PHLPP1: variants seen among roughly 807,000 people sequenced by gnomAD.
PHLPP1 encodes PH domain and leucine rich repeat protein phosphatase 1, also known as PH domain leucine-rich repeat-containing protein phosphatase 1.
Under a neutral mutation model 117.2 loss-of-function variants are expected in PHLPP1, and 42 were observed. The observed-to-expected ratio is 0.36, with a 90% CI of 0.28 to 0.46. The LOEUF (loss-of-function observed/expected upper bound fraction) is 0.46, where lower values mean the gene tolerates loss of function less well. Ranked by LOEUF, PHLPP1 falls within the 20% of genes least tolerant of loss-of-function variation. The probability of loss-of-function intolerance (pLI) is 1.00; values close to 1 mark genes in which losing one functional copy is unlikely to be tolerated. For synonymous variants in PHLPP1, 1,042 were observed against 970.7 expected (o/e 1.07, Z -1.37); for missense variants, 2,084 against 2,241.9 (o/e 0.93, Z 1.42).
At chr18:62,897,084 C>G (rs1916582014) in intron 6 of PHLPP1, among the ~76,000 whole-genome samples, 1 of 152,132 alleles carries the variant, frequency 6.6e-6, no homozygotes, top group South Asian at 2.1e-4. Flanking sequence ...CCCTCATATT[C>G]CAGAATTTGA....
intron 12 of PHLPP1, among the ~76,000 whole-genome samples, chr18:62,947,746 G>A (rs1256647518): frequency 6.6e-6 from 1 of 152,176 alleles, no homozygotes; most frequent in African/African-American, 2.4e-5. Context: ...TACAAATAGA[G>A]GCCTGGCTTG....
In PHLPP1 at chr18:62,745,242, G is replaced by A. The variant is rs72945527; in HGVS notation, c.1576+27983G>A. Among the ~76,000 whole-genome samples, 1,211 of 152,212 alleles carry A rather than the reference G, an allele frequency of 8.0e-3. 9 individuals carry two copies. Among genetic ancestry groups the A allele is most frequent in the Non-Finnish European group, 0.012 (846 of 68,010 alleles). ...ACCTTTGATAAAAAGTGTGGGTGGG[G>A]TCAGGTTCTGTACCCTTTGACTCCA... On this transcript the variant is annotated intron_variant, in intron 1 of 16. Transcript: ENST00000262719.
At chr18:62,836,763 A>G (rs1334432595) in intron 2 of PHLPP1, among the ~76,000 whole-genome samples, 1 of 151,476 alleles carries the variant, frequency 6.6e-6, no homozygotes, top group Non-Finnish European at 1.5e-5. Context: ...AAACTTCTAT[A>G]TTTTAAATGG....
chr18:62,953,472 G>A lies in PHLPP1; in HGVS notation c.3325-5157G>A, dbSNP rs2144469168. Among the ~76,000 whole-genome samples, 3 of 152,300 alleles carry A rather than the reference G, an allele frequency of 2.0e-5. No individual in the cohort carries two copies. In the Middle Eastern group the frequency reaches 0.01, roughly 518 times the overall value. On this transcript the variant is annotated intron_variant, in intron 12 of 16. Transcript: ENST00000262719. ...CTGCACAAAAATCTTCTCTGGAAAG[G>A]CCTCTCTGGGGTCTTGTTATCTGTC...
In PHLPP1 at chr18:62,716,312, A is replaced by G. The variant is rs994076559; in HGVS notation, c.629A>G (p.His210Arg). 3 of 1,531,060 alleles carry G rather than the reference A, an allele frequency of 2.0e-6. No individual in the cohort carries two copies. The African/African-American group carries it at 4.2e-5, about 21-fold the overall frequency. The allele number at this position is 1,531,060 out of a possible 1,614,324, so 94.8% of individuals were successfully genotyped here. A position where few individuals can be genotyped will look rare whatever the true frequency, so the allele number is the denominator to read the frequency against. The change falls in exon 1 of 17, where the codon CAC becomes CGC. Residue 210 changes from histidine (H) to arginine (R), a missense_variant. By Grantham distance (29) the His-to-Arg change is conservative (BLOSUM62 0). This residue lies in a region of PHLPP1 where 719 missense variants were observed against 636.0 expected (regional missense o/e 1.13). Transcript: ENST00000262719. This position sits in a 1 kb window ranked among gnomAD's most constrained non-coding sequence, Gnocchi z 5.7. ...QRGCVHVFDR[H>R]MASTYLRPVL... ...GGCTGCGTGCACGTCTTCGACCGCC[A>G]CATGGCCTCGACCTACCTGCGCCCG...
chr18:62,942,589 C>T (rs1312971889), intron 11 of PHLPP1, among the ~76,000 whole-genome samples: 1 of 152,090 alleles, frequency 6.6e-6, no homozygotes, highest in African/African-American at 2.4e-5. Context: ...TTCTAATTTT[C>T]GGTGAGCGGT....
intron 1 of PHLPP1, among the ~76,000 whole-genome samples, chr18:62,817,286 T>A (rs1415941387): frequency 6.6e-6 from 1 of 152,200 alleles, no homozygotes; most frequent in Non-Finnish European, 1.5e-5. Context: ...AATGATAGAC[T>A]TAGTTGCCAA....
intron 10 of PHLPP1, among the ~76,000 whole-genome samples, chr18:62,932,715 A>G (rs1014043490): frequency 4.6e-5 from 7 of 152,216 alleles, no homozygotes; most frequent in African/African-American, 1.7e-4. Flanking sequence ...CAAGACAAGT[A>G]TGCCTACTCT....
chr18:62,903,269 A>C, intron 7 of PHLPP1, 103 bp downstream of exon 7: 1 of 778,828 alleles, frequency 1.3e-6, no homozygotes, highest in Non-Finnish European at 2.1e-6. Flanking sequence ...TAGTTAGTAA[A>C]ATAGCTCAAA....
intron 4 of PHLPP1, among the ~76,000 whole-genome samples, chr18:62,879,751 A>G (rs1389784417): frequency 4.6e-5 from 7 of 152,308 alleles, no homozygotes; most frequent in South Asian, 4.1e-4. Context: ...GATAACTAGA[A>G]ACACAGATGC....
At chr18:62,955,004 G>A (rs1281501417) in intron 12 of PHLPP1, among the ~76,000 whole-genome samples, 2 of 152,220 alleles carry the variant, frequency 1.3e-5, no homozygotes, top group Non-Finnish European at 2.9e-5. Flanking sequence ...TCTCTAGGAG[G>A]CCATAGTCTC....
rs942689987 is a variant in PHLPP1, at chr18:62,716,258, G to A, written c.575G>A (p.Arg192Gln). 1 of 1,530,650 alleles carries A rather than the reference G, an allele frequency of 6.5e-7. No individual in the cohort carries two copies. Among genetic ancestry groups the A allele is most frequent in the African/African-American group, 1.4e-5 (1 of 72,334 alleles). The allele number at this position is 1,530,650 out of a possible 1,614,324, so 94.8% of individuals were successfully genotyped here. Residue 192 changes from arginine (R) to glutamine (Q), a missense_variant, in exon 1 of 17, where the codon CGG becomes CAG. Arg to Gln is a conservative substitution (Grantham distance 43). Around this residue, in one of 2 missense-constraint regions of PHLPP1, gnomAD observed 719 missense variants for 636.0 expected, o/e 1.13. Coordinates refer to ENST00000262719, the MANE Select transcript of PHLPP1 (RefSeq NM_194449.4). This position sits in a 1 kb window ranked among gnomAD's most constrained non-coding sequence, Gnocchi z 5.7. ...ACGCTGCAGCTGCAGCCGTCGGACC[G>A]GGACTGGGTGAGGCACCAGCTCCAG... ...RQTLQLQPSD[R>Q]DWVRHQLQRG...
intron 1 of PHLPP1, among the ~76,000 whole-genome samples, chr18:62,808,557 G>GTTTTTTTTTTTTTTTGT (rs553137209): frequency 7.4e-6 from 1 of 135,542 alleles, no homozygotes; most frequent in African/African-American, 2.6e-5. Flanking sequence ...GTTTTTTTTT[G>GTTTTTTTTTTTTTTTGT]TTTTTTTTTT....
chr18:62,749,465 G>GT (rs1173232641), intron 1 of PHLPP1, among the ~76,000 whole-genome samples: 2 of 152,090 alleles, frequency 1.3e-5, no homozygotes, highest in African/African-American at 2.4e-5. Context: ...TCTCTTTCCA[G>GT]TTTCTGCCTT....
intron 3 of PHLPP1, among the ~76,000 whole-genome samples, chr18:62,841,331 CTTTTTT>C (rs1048275193): frequency 1.0e-4 from 13 of 128,534 alleles, no homozygotes; most frequent in South Asian, 4.9e-4. Flanking sequence ...TTCTTTCTCT[CTTTTTT>C]TTTTTTTTTT....
intron 2 of PHLPP1, among the ~76,000 whole-genome samples, chr18:62,837,129 G>A (rs947529116): frequency 6.6e-5 from 10 of 152,106 alleles, no homozygotes; most frequent in African/African-American, 2.2e-4. Flanking sequence ...GGACTACAAG[G>A]TGTGCGCTGC....
chr18:62,722,198 GT>G (rs1351312073), intron 1 of PHLPP1, among the ~76,000 whole-genome samples: 1 of 152,178 alleles, frequency 6.6e-6, no homozygotes, highest in Non-Finnish European at 1.5e-5. Flanking sequence ...CTCTCTGAAA[GT>G]TTTCTTAGAG....
chr18:62,737,201 A>G (rs773021856), intron 1 of PHLPP1, among the ~76,000 whole-genome samples: 1 of 152,220 alleles, frequency 6.6e-6, no homozygotes, highest in Admixed American at 6.5e-5. Flanking sequence ...CTAGCATTGC[A>G]TGAAAAGGGC....
At chr18:62,850,092 A>G (rs1045413904) in intron 3 of PHLPP1, among the ~76,000 whole-genome samples, 10 of 124,848 alleles carry the variant, frequency 8.0e-5, no homozygotes, top group South Asian at 4.9e-4. Context: ...TTTTTTTTGT[A>G]TTTAGAAACA....
Sources: allele counts gnomAD v4.1 joint callset (sites outside exome capture counted in the v4.1 genomes callset), GRCh38; gene constraint gnomAD v4.1.1; regional missense constraint gnomAD v4.1.1; non-coding constraint Gnocchi (gnomAD v3.1); transcripts MANE v1.5; gene names NCBI Gene and HGNC (gene_info 2026-07-23, HGNC 2026-07-21).